Variants in GPR137 observed in about 807,000 individuals in gnomAD.
The protein encoded by GPR137 is integral membrane protein GPR137.
In GPR137, 20 loss-of-function variants were observed where a neutral mutation model predicts 38.9. The observed-to-expected ratio is 0.51, with a 90% CI of 0.36 to 0.75. The LOEUF (loss-of-function observed/expected upper bound fraction) is 0.75, where lower values mean the gene tolerates loss of function less well. GPR137 is among the 30% of genes least tolerant of loss of function. GPR137 has a pLI of 0.00. For synonymous variants in GPR137, 226 were observed against 235.8 expected (o/e 0.96, Z 0.38); for missense variants, 456 against 526.4 (o/e 0.87, Z 1.31).
Position 64,286,289 on chromosome 11 carries a change from G to A in GPR137, c.-236G>A, listed in dbSNP as rs2034034212. On this transcript the variant is annotated 5_prime_UTR_variant, in exon 1 of 7. Coordinates refer to ENST00000438980, the MANE Select transcript of GPR137 (RefSeq NM_001170880.2). ...CCTATCCGGTCTGTCCTGGAGAAAA[G>A]AGACTGCCCTTCCATGCCCCTGAGT... is the stretch of plus-strand genomic sequence containing the variant. The A allele has an allele frequency of 2.2e-6, 3 of 1,392,742 alleles. No individual in the cohort carries two copies. Among genetic ancestry groups the A allele is most frequent in the Non-Finnish European group, 2.8e-6 (3 of 1,078,370 alleles). 86.3% of individuals were successfully genotyped at this position (1,392,742 alleles called of 1,614,324 possible). A position where few individuals can be genotyped will look rare whatever the true frequency, so the allele number is the denominator to read the frequency against.
Position 64,287,764 on chromosome 11 carries a change from C to G in GPR137, c.451C>G (p.Leu151Val). ...GAFVGASLLF[L>V]LVNVLCAVLS... is the part of the protein sequence containing the mutation. ...CTTTGTGGGGGCCTCGCTGCTCTTT[C>G]TGCTGGTGAACGTGCTGTGTGCTGT... The change falls in exon 3 of 7, where the codon CTG (leucine) becomes GTG (valine). Residue 151 changes from leucine to valine, a missense_variant. By Grantham distance (32) the Leu-to-Val change is conservative. Coordinates refer to ENST00000438980, the MANE Select transcript of GPR137 (RefSeq NM_001170880.2). The G allele has an allele frequency of 1.9e-6, 3 of 1,607,010 alleles. No individual in the cohort carries two copies. Among genetic ancestry groups the G allele is most frequent in the East Asian group, 2.2e-5 (1 of 44,876 alleles).
intron 1 of GPR137, among the ~76,000 whole-genome samples, chr11:64,276,127 C>T (rs1360684746): frequency 6.6e-6 from 1 of 152,114 alleles, no homozygotes; most frequent in East Asian, 1.9e-4. Flanking sequence ...TTTGGGCCTT[C>T]TGCTAGCACC....
upstream of GPR137, among the ~76,000 whole-genome samples, chr11:64,272,319 G>GA (rs776668412): frequency 0.13 from 18,049 of 138,876 alleles, 1,334 homozygotes; most frequent in Non-Finnish European, 0.17. Flanking sequence ...TTTCTCAAAA[G>GA]AAAAAAAAAA....
chr11:64,285,456 C>CG (rs1340845233), upstream of GPR137: 1 of 983,782 alleles, frequency 1.0e-6, no homozygotes, highest in South Asian at 4.7e-5. Context: ...GGTTCAGGCC[C>CG]GGGGGCGGGG....
At chr11:64,275,288 C>T (rs1231135978), upstream of GPR137, among the ~76,000 whole-genome samples, 2 of 152,066 alleles carry the variant, frequency 1.3e-5, no homozygotes, top group Non-Finnish European at 2.9e-5. Context: ...GCAGGAGAGC[C>T]GGGAACAGAA....
chr11:64,284,997 C>A, upstream of GPR137: 4 of 1,295,160 alleles, frequency 3.1e-6, no homozygotes, highest in Non-Finnish European at 3.0e-6. Context: ...AGTTTCCCCC[C>A]AGTGAAGTGG....
upstream of GPR137, among the ~76,000 whole-genome samples, chr11:64,273,995 A>C (rs888327089): frequency 1.3e-5 from 2 of 152,030 alleles, no homozygotes; most frequent in African/African-American, 4.8e-5. Context: ...TAACCATTGG[A>C]ATGTCTCTTC....
chr11:64,271,706 GC>G, upstream of GPR137: 1 of 1,469,900 alleles, frequency 6.8e-7, no homozygotes, highest in Non-Finnish European at 9.0e-7. Context: ...AGCGCGAGCG[GC>G]CCCGAAAGGG....
At chr11:64,273,855 CAAA>C (rs34577596), upstream of GPR137, among the ~76,000 whole-genome samples, 2 of 54,836 alleles carry the variant, frequency 3.6e-5, no homozygotes, top group East Asian at 6.7e-4. Flanking sequence ...GCACCCATCT[CAAA>C]AAAAAAAAAA....
chr11:64,272,420 G>A (rs1411465709), upstream of GPR137, among the ~76,000 whole-genome samples: 1 of 152,038 alleles, frequency 6.6e-6, no homozygotes, highest in Non-Finnish European at 1.5e-5. Context: ...GTTCTACATC[G>A]GAGGAAGCCA....
upstream of GPR137, among the ~76,000 whole-genome samples, chr11:64,275,492 TGAC>T (rs2032994939): frequency 6.6e-6 from 1 of 152,086 alleles, no homozygotes; most frequent in African/African-American, 2.4e-5. Flanking sequence ...AGGATCGCCA[TGAC>T]AACAAATGAG....
At chr11:64,282,377 G>GGATTGCTTGGGCCCAGGAATTC (rs2033536057), upstream of GPR137, among the ~76,000 whole-genome samples, 1 of 151,922 alleles carries the variant, frequency 6.6e-6, no homozygotes, top group Non-Finnish European at 1.5e-5. Context: ...CAAGGTGAGA[G>GGATTGCTTGGGCCCAGGAATTC]GATTGCTTGG....
rs770271373 is a variant in GPR137 at position 64,289,112 on chromosome 11, G to A, written c.1107G>A (p.Gln369=). ...GREPGWYGGS[Q]TKTTPLLFSQ... is the part of the protein sequence containing the mutation. Reference sequence around the variant, plus strand: ...AGCCGGGCTGGTATGGGGGCAGCCAGACGAAGACCACTCCTCTGCTCTTCT... The same window carrying A: ...AGCCGGGCTGGTATGGGGGCAGCCAAACGAAGACCACTCCTCTGCTCTTCT... The change falls in exon 7 of 7, where the codon CAG becomes CAA. Residue 369 remains glutamine (Q), a synonymous_variant. Transcript: ENST00000438980. The A allele has an allele frequency of 1.2e-6, 2 of 1,612,932 alleles. No individual in the cohort carries two copies. Among genetic ancestry groups the A allele is most frequent in the East Asian group, 4.5e-5 (2 of 44,890 alleles).
In GPR137 at chr11:64,288,236, A is replaced by T; in HGVS notation, c.783+22A>T. The stretch of plus-strand genomic sequence containing the variant: ...CCAGGTGGGCATACGCATGTCTGCC[A>T]CCTCCTTAGTAGCCGTGGCACCTTG... On this transcript the variant is annotated intron_variant, in intron 4 of 6. Transcript: ENST00000438980. The surrounding 1 kb of genome is among the most constrained non-coding windows in gnomAD (Gnocchi z 5.5). The T allele has an allele frequency of 6.2e-7, 1 of 1,610,450 alleles. No individual in the cohort carries two copies. Among genetic ancestry groups the T allele is most frequent in the South Asian group, 1.1e-5 (1 of 90,974 alleles).
At chr11:64,281,539 C>T (rs1411829477), upstream of GPR137, among the ~76,000 whole-genome samples, 1 of 152,198 alleles carries the variant, frequency 6.6e-6, no homozygotes, top group Non-Finnish European at 1.5e-5. Context: ...CCTAAACCCC[C>T]TCCCCTAGGC....
At chr11:64,284,149 T>C (rs753463626), upstream of GPR137, 2 of 1,535,734 alleles carry the variant, frequency 1.3e-6, no homozygotes, top group Non-Finnish European at 1.7e-6. Flanking sequence ...GGGGGTGAGG[T>C]GTCCCGGCAG....
At chr11:64,284,661 G>T (rs1565353920), upstream of GPR137, 2 of 1,534,642 alleles carry the variant, frequency 1.3e-6, no homozygotes, top group African/African-American at 2.7e-5. Flanking sequence ...CCCTGACCCG[G>T]GCCTGCCGCC....
chr11:64,284,669 G>C (rs545065054), upstream of GPR137: 53 of 1,534,938 alleles, frequency 3.5e-5, no homozygotes, highest in Admixed American at 1.0e-3. Flanking sequence ...CGGGCCTGCC[G>C]CCTCCCTCCA....
rs567031304 is a variant in GPR137, at chr11:64,288,482, C to G, written c.912+14C>G. 1.2e-6 allele frequency: 2 copies of G among 1,612,940 alleles called. No individual in the cohort carries two copies. Among genetic ancestry groups the G allele is most frequent in the South Asian group, 1.1e-5 (1 of 91,050 alleles). On this transcript the variant is annotated intron_variant, in intron 5 of 6. Coordinates refer to ENST00000438980, the MANE Select transcript of GPR137 (RefSeq NM_001170880.2). The surrounding 1 kb of genome is among the most constrained non-coding windows in gnomAD (Gnocchi z 5.5). ...CCACAGGACCTGGTAAGGGTCTGCT[C>G]CCTCTTCTGTGGGGCCAGTGGAGGG...
Sources: gnomAD v4.1 joint callset for allele counts (sites outside exome capture counted in the v4.1 genomes callset) on GRCh38, gnomAD v4.1.1 for gene constraint, Gnocchi (gnomAD v3.1) non-coding constraint, MANE v1.5 for transcripts, NCBI Gene and HGNC (gene_info 2026-07-23, HGNC 2026-07-21) for gene names.